PSMA8: variants seen among roughly 807,000 people sequenced by gnomAD.
The protein encoded by PSMA8 is proteasome subunit alpha-type 8.
A neutral mutation model predicts 32.4 loss-of-function variants in PSMA8; 18 were observed. The ratio of observed to expected loss-of-function variants is 0.56; its 90% CI spans 0.38 to 0.82. The LOEUF is 0.82. Among genes scored for constraint, PSMA8 ranks in the 40% least tolerant of loss-of-function variants. The probability of loss-of-function intolerance (pLI) is 0.00; values close to 1 mark genes in which losing one functional copy is unlikely to be tolerated. For missense variants in PSMA8, 298 were observed against 300.7 expected (o/e 0.99, Z 0.07); for synonymous variants, 104 against 98.1 (o/e 1.06, Z -0.36).
At chr18:26,192,178 C>T (rs2055409047) in intron 6 of PSMA8, 141 bp from the exon 7 acceptor site, 2 of 733,010 alleles carry the variant, frequency 2.7e-6, no homozygotes, top group Admixed American at 9.4e-5. Flanking sequence ...TCTTGAAATG[C>T]TTCATTGTAT....
Position 26,151,741 on chromosome 18 carries a change from A to G in PSMA8, c.230-117A>G. The G allele has an allele frequency of 3.4e-6, 3 of 887,146 alleles. No homozygotes were observed. The South Asian group carries it at 6.9e-5, about 20-fold the overall frequency. 55.0% of individuals were successfully genotyped at this position (887,146 alleles called of 1,614,324 possible). On this transcript the variant is annotated intron_variant, in intron 2 of 6. Coordinates refer to ENST00000415576, the MANE Select transcript of PSMA8 (RefSeq NM_001025096.2). ...CACAAGTCTTTTAAAATGAGCATGTATTGAGAAAAAAAGGATAAGAAAGAT... is the reference window on the plus strand; with the variant it reads ...CACAAGTCTTTTAAAATGAGCATGTGTTGAGAAAAAAAGGATAAGAAAGAT...
At chr18:26,152,005 T>C (rs780360211) in intron 3 of PSMA8, 23 bp downstream of exon 3, 88 of 1,571,426 alleles carry the variant, frequency 5.6e-5, no homozygotes, top group Non-Finnish European at 1.7e-6. Context: ...TCTAACATAC[T>C]TTGTTAAGCT....
intron 1 of PSMA8, among the ~76,000 whole-genome samples, chr18:26,141,952 C>T (rs2054960999): frequency 1.3e-5 from 2 of 151,792 alleles, no homozygotes; most frequent in South Asian, 4.2e-4. Flanking sequence ...TTCCAAAATG[C>T]TGGGATTACA....
intron 4 of PSMA8, among the ~76,000 whole-genome samples, chr18:26,161,231 G>A (rs1018342240): frequency 5.3e-5 from 8 of 152,232 alleles, no homozygotes; most frequent in Admixed American, 6.5e-5. Flanking sequence ...ACCAAGTGGG[G>A]ACAAGAGACA....
intron 1 of PSMA8, among the ~76,000 whole-genome samples, chr18:26,139,745 A>G (rs899349424): frequency 6.6e-6 from 1 of 152,162 alleles, no homozygotes; most frequent in African/African-American, 2.4e-5. Flanking sequence ...AAACTCTGAG[A>G]GAAGAGGGAT....
In PSMA8 at chr18:26,179,081, G is replaced by A. The variant is rs142265503; in HGVS notation, c.611G>A (p.Gly204Asp). The A allele has an allele frequency of 1.9e-6, 3 of 1,612,984 alleles. No individual in the cohort carries two copies. Among genetic ancestry groups the A allele is most frequent in the Non-Finnish European group, 2.5e-6 (3 of 1,179,520 alleles). ...GTTCTACATTAGGTTGTCCAGTCTGGTGGAAAAAACATTGAACTTGCTATA... is the reference window on the plus strand; with the variant it reads ...GTTCTACATTAGGTTGTCCAGTCTGATGGAAAAAACATTGAACTTGCTATA... ...IKALLEVVQS[G>D]GKNIELAIIR... Residue 204 changes from glycine (G) to aspartate (D), a missense_variant, in exon 6 of 7, where the codon GGT (glycine) becomes GAT (aspartate). Physicochemically the swap from Gly to Asp is moderately conservative, Grantham distance 94 (BLOSUM62 -1). Coordinates refer to ENST00000415576, the MANE Select transcript of PSMA8 (RefSeq NM_001025096.2).
intron 3 of PSMA8, among the ~76,000 whole-genome samples, chr18:26,156,348 G>A (rs544759591): frequency 6.6e-6 from 1 of 152,250 alleles, no homozygotes; most frequent in African/African-American, 2.4e-5. Context: ...TCCAAGAGAT[G>A]TATGCACCCC....
chr18:26,162,915 T>C (rs1232457992), intron 4 of PSMA8, among the ~76,000 whole-genome samples: 2 of 151,886 alleles, frequency 1.3e-5, no homozygotes, highest in Non-Finnish European at 2.9e-5. Flanking sequence ...AAATAAGGAA[T>C]TGAATACCAG....
chr18:26,134,328 GGTGTGTGTGTGGGT>G (rs1004747241), intron 1 of PSMA8, among the ~76,000 whole-genome samples: 4 of 149,534 alleles, frequency 2.7e-5, no homozygotes, highest in African/African-American at 7.5e-5. Context: ...GCAAAACTAG[GGTGTGTGTGTGGGT>G]GTGTGTGTGT....
intron 2 of PSMA8, among the ~76,000 whole-genome samples, chr18:26,151,326 A>C (rs955276574): frequency 3.3e-5 from 5 of 152,224 alleles, no homozygotes. Context: ...GTTTGCAACC[A>C]TTGCATCAGT....
At chr18:26,144,144 A>G (rs2054982288) in intron 1 of PSMA8, among the ~76,000 whole-genome samples, 1 of 152,174 alleles carries the variant, frequency 6.6e-6, no homozygotes, top group Non-Finnish European at 1.5e-5. Context: ...GTGACCAGAA[A>G]TATTTCATAT....
At chr18:26,157,037 G>T (rs1158391159) in intron 3 of PSMA8, among the ~76,000 whole-genome samples, 1 of 150,900 alleles carries the variant, frequency 6.6e-6, no homozygotes, top group Non-Finnish European at 1.5e-5. Context: ...TGCCTGCCTT[G>T]CCCTCCCAAA....
At chr18:26,144,261 C>T (rs1262759910) in intron 1 of PSMA8, among the ~76,000 whole-genome samples, 1 of 152,108 alleles carries the variant, frequency 6.6e-6, no homozygotes, top group Non-Finnish European at 1.5e-5. Flanking sequence ...ACATTGAGAA[C>T]TTACCGTATT....
rs201321706 is a variant in PSMA8, at chr18:26,192,430, G to C, written c.*19G>C. On this transcript the variant is annotated 3_prime_UTR_variant, in exon 7 of 7. Coordinates refer to ENST00000415576, the MANE Select transcript of PSMA8 (RefSeq NM_001025096.2). ...TGTCTAATTCTTAGGATGACCACTG[G>C]GAGGTCTTAATGTTTTGTTTTATTG... is the stretch of plus-strand genomic sequence containing the variant. 17 of 1,517,952 alleles carry C rather than the reference G, an allele frequency of 1.1e-5. No homozygotes were observed. Among genetic ancestry groups the C allele is most frequent in the Non-Finnish European group, 1.4e-5 (16 of 1,145,682 alleles). The allele number at this position is 1,517,952 out of a possible 1,614,324, so 94.0% of individuals were successfully genotyped here. A position where few individuals can be genotyped will look rare whatever the true frequency, so the allele number is the denominator to read the frequency against.
rs2054887600 is a variant in PSMA8, at chr18:26,133,988, C to T, written c.23C>T (p.Ala8Val). MASRYDR[A>V]ITVFSPDGHL... ...GCGATGGCGTCTCGATATGACAGGG[C>T]GATCACTGTCTTCTCCCCAGACGGA... The change falls in exon 1 of 7, where the codon GCG becomes GTG. Residue 8 changes from alanine (A) to valine (V), a missense_variant. By Grantham distance (64) the Ala-to-Val change is moderately conservative (BLOSUM62 0). Coordinates refer to ENST00000415576, the MANE Select transcript of PSMA8 (RefSeq NM_001025096.2). 2 of 1,613,858 alleles carry T rather than the reference C, an allele frequency of 1.2e-6. No individual in the cohort carries two copies. Among genetic ancestry groups the T allele is most frequent in the Non-Finnish European group, 1.7e-6 (2 of 1,179,806 alleles).
At chr18:26,183,057 A>C (rs2055324948) in intron 6 of PSMA8, among the ~76,000 whole-genome samples, 1 of 148,086 alleles carries the variant, frequency 6.8e-6, no homozygotes, top group Admixed American at 6.8e-5. Flanking sequence ...ATGCTATCGC[A>C]CTCCAGACAG....
chr18:26,145,362 C>T (rs1157365057), intron 2 of PSMA8, among the ~76,000 whole-genome samples: 1 of 152,130 alleles, frequency 6.6e-6, no homozygotes. Context: ...GGGTGATCCA[C>T]CCGCCACAGT....
In PSMA8 at chr18:26,165,933, TA is replaced by T. The variant is rs569426834; in HGVS notation, c.477+7699del. ...CAACATGGTGAAACCCCATCTCTAC[TA>T]AAAAAAAAATACAAAAAATTAGCTG... On this transcript the variant is annotated intron_variant, in intron 4 of 6. Transcript: ENST00000415576. 3.5e-4 allele frequency among the ~76,000 whole-genome samples: 51 copies of T among 147,330 alleles called. No homozygotes were observed. In the East Asian group the frequency reaches 4.9e-3, roughly 14 times the overall value.
chr18:26,147,376 A>G (rs1380698559), intron 2 of PSMA8, among the ~76,000 whole-genome samples: 1 of 152,174 alleles, frequency 6.6e-6, no homozygotes, highest in East Asian at 1.9e-4. Flanking sequence ...GAAAAAAATC[A>G]CAAGGGAAAT....
Sources: gnomAD v4.1 joint callset for allele counts (sites outside exome capture counted in the v4.1 genomes callset) on GRCh38, gnomAD v4.1.1 for gene constraint, MANE v1.5 for transcripts, NCBI Gene and HGNC (gene_info 2026-07-23, HGNC 2026-07-21) for gene names.